BMPR1B: variants seen among roughly 807,000 people sequenced by gnomAD.
BMPR1B encodes the protein bone morphogenetic protein receptor type-1B.
In BMPR1B, 12 loss-of-function variants were observed where a neutral mutation model predicts 59.1. That is an observed-to-expected ratio of 0.20 (90% confidence interval 0.13 to 0.33). BMPR1B has a LOEUF of 0.33. Among genes scored for constraint, BMPR1B ranks in the 10% least tolerant of loss-of-function variants. The pLI, the probability that BMPR1B is intolerant of heterozygous loss-of-function variation, is 1.00. For missense variants in BMPR1B, 550 were observed against 610.9 expected (o/e 0.90, Z 1.05); for synonymous variants, 237 against 207.3 (o/e 1.14, Z -1.23).
rs202089509 is a variant in BMPR1B, at chr4:95,003,330, A to ATCTTG, written c.-18+7198_-18+7202dup. ...TCACTTTTTTTGTGAACTCATTTTT[A>ATCTTG]TCTTGTATTCTTGTGCCACAAATTT... On this transcript the variant is annotated intron_variant, in intron 3 of 12. Coordinates refer to ENST00000515059, the MANE Select transcript of BMPR1B (RefSeq NM_001203.3). Among the ~76,000 whole-genome samples, 717 of 151,970 alleles carry ATCTTG rather than the reference A, an allele frequency of 4.7e-3. 8 individuals carry two copies. Among genetic ancestry groups the ATCTTG allele is most frequent in the African/African-American group, 0.016 (665 of 41,464 alleles).
intron 2 of BMPR1B, among the ~76,000 whole-genome samples, chr4:94,924,532 G>A (rs1022551496): frequency 6.6e-6 from 1 of 152,096 alleles, no homozygotes; most frequent in Admixed American, 6.6e-5. Flanking sequence ...AGCCTCAGGT[G>A]TAGGATCAGA....
intron 10 of BMPR1B, among the ~76,000 whole-genome samples, chr4:95,138,318 T>G (rs1733960337): frequency 6.6e-6 from 1 of 152,202 alleles, no homozygotes. Flanking sequence ...AACCCGACCT[T>G]TCTCTCTGAC....
At chr4:95,124,375 T>C (rs952316340) in intron 7 of BMPR1B, among the ~76,000 whole-genome samples, 1 of 152,056 alleles carries the variant, frequency 6.6e-6, no homozygotes, top group African/African-American at 2.4e-5. Context: ...GCCTATGAAC[T>C]TATGTTCTAG....
intron 2 of BMPR1B, among the ~76,000 whole-genome samples, chr4:94,918,715 C>T (rs573990494): frequency 5.3e-5 from 8 of 151,950 alleles, no homozygotes; most frequent in African/African-American, 1.9e-4. Context: ...TATCTTTAAA[C>T]TTCCTTTCCT....
Position 94,965,810 on chromosome 4 carries a change from A to G in BMPR1B, c.-112-30230A>G, listed in dbSNP as rs1438014416. On this transcript the variant is annotated intron_variant, in intron 2 of 12. Transcript: ENST00000515059. Reference sequence around the variant, plus strand: ...TGTTCTCATGTTTACACATATGCACAGGAGTATTGATATGATAAACACATC... The same window carrying G: ...TGTTCTCATGTTTACACATATGCACGGGAGTATTGATATGATAAACACATC... Among the ~76,000 whole-genome samples, 5 of 151,820 alleles carry G rather than the reference A, an allele frequency of 3.3e-5. No individual in the cohort carries two copies. The South Asian group carries it at 8.3e-4, about 25-fold the overall frequency.
intron 3 of BMPR1B, among the ~76,000 whole-genome samples, chr4:95,024,180 T>C (rs1041425218): frequency 2.0e-5 from 3 of 152,224 alleles, no homozygotes; most frequent in African/African-American, 4.8e-5. Flanking sequence ...TTAGCTAATA[T>C]ATTGGAATCT....
chr4:95,056,625 T>C (rs544952320), intron 3 of BMPR1B, among the ~76,000 whole-genome samples: 1 of 152,316 alleles, frequency 6.6e-6, no homozygotes, highest in South Asian at 2.1e-4. Context: ...GTCTGCTCCC[T>C]TCTTTTCTTT....
intron 1 of BMPR1B, among the ~76,000 whole-genome samples, chr4:94,805,054 T>G (rs1258302456): frequency 6.6e-6 from 1 of 152,198 alleles, no homozygotes; most frequent in Non-Finnish European, 1.5e-5. Context: ...CTATGATCTA[T>G]AAAATGAAGA....
At chr4:95,120,610 T>TTCCTTCCTTCCTTCCTTCC (rs1732408864) in intron 6 of BMPR1B, among the ~76,000 whole-genome samples, 2 of 122,586 alleles carry the variant, frequency 1.6e-5, no homozygotes, top group African/African-American at 5.9e-5. Context: ...ATAGCCTGCC[T>TTCCTTCCTTCCTTCCTTCC]TTCCTTCCTT....
chr4:95,010,212 A>AC (rs1343812150), intron 3 of BMPR1B, among the ~76,000 whole-genome samples: 1 of 151,568 alleles, frequency 6.6e-6, no homozygotes, highest in Non-Finnish European at 1.5e-5. Flanking sequence ...ATAATCTCAG[A>AC]CCCCCCAAAT....
At chr4:95,040,984 T>C (rs1393614042) in intron 3 of BMPR1B, among the ~76,000 whole-genome samples, 1 of 152,188 alleles carries the variant, frequency 6.6e-6, no homozygotes, top group East Asian at 1.9e-4. Context: ...AAAAACCCTT[T>C]CCTCAATTCC....
At chr4:95,113,216 G>C (rs979378091) in intron 4 of BMPR1B, among the ~76,000 whole-genome samples, 6 of 152,086 alleles carry the variant, frequency 3.9e-5, no homozygotes, top group Non-Finnish European at 8.8e-5. Context: ...AGAGTTCAAG[G>C]CATGGGCTGT....
intron 6 of BMPR1B, among the ~76,000 whole-genome samples, chr4:95,122,274 T>G (rs1732585654): frequency 6.6e-6 from 1 of 151,724 alleles, no homozygotes; most frequent in African/African-American, 2.4e-5. Flanking sequence ...AGGCAGAGGT[T>G]GCAGTAAGCT....
chr4:95,138,129 T>A (rs1373661053), intron 10 of BMPR1B, among the ~76,000 whole-genome samples: 12 of 152,206 alleles, frequency 7.9e-5, no homozygotes. Flanking sequence ...CAGCATTTGC[T>A]TGTCTGTAAA....
intron 3 of BMPR1B, among the ~76,000 whole-genome samples, chr4:95,025,717 T>G (rs1466356701): frequency 6.6e-6 from 1 of 152,176 alleles, no homozygotes; most frequent in Non-Finnish European, 1.5e-5. Flanking sequence ...GAAAGTGATT[T>G]TCAGAAACAT....
chr4:94,956,360 G>A (rs1730140982), intron 2 of BMPR1B, among the ~76,000 whole-genome samples: 1 of 151,878 alleles, frequency 6.6e-6, no homozygotes. Context: ...AATAAAAATT[G>A]TTTTTATGAT....
At chr4:94,761,950 T>TAA (rs1721789534) in intron 1 of BMPR1B, among the ~76,000 whole-genome samples, 1 of 152,136 alleles carries the variant, frequency 6.6e-6, no homozygotes, top group African/African-American at 2.4e-5. Context: ...CTTAATAACT[T>TAA]AAATTGAGTG....
At chr4:94,783,610 C>T (rs952172932) in intron 1 of BMPR1B, among the ~76,000 whole-genome samples, 1 of 152,162 alleles carries the variant, frequency 6.6e-6, no homozygotes, top group African/African-American at 2.4e-5. Flanking sequence ...TGGAGTGACA[C>T]CATGATTTTT....
At chr4:95,144,267 TGG>T (rs1042444395) in intron 10 of BMPR1B, among the ~76,000 whole-genome samples, 1 of 152,162 alleles carries the variant, frequency 6.6e-6, no homozygotes, top group Admixed American at 6.6e-5. Flanking sequence ...CTCTGCCTCC[TGG>T]GCTCAAGTGA....
Sources: gnomAD v4.1 joint callset for allele counts (sites outside exome capture counted in the v4.1 genomes callset) on GRCh38, gnomAD v4.1.1 for gene constraint, MANE v1.5 for transcripts, NCBI Gene and HGNC (gene_info 2026-07-23, HGNC 2026-07-21) for gene names.